The following PDE1C variants were observed in gnomAD, a reference collection of about 807,000 sequenced individuals.
PDE1C encodes phosphodiesterase 1C.
A neutral mutation model predicts 93.1 loss-of-function variants in PDE1C; 62 were observed. That is an observed-to-expected ratio of 0.67 (90% CI 0.54 to 0.82). The LOEUF (loss-of-function observed/expected upper bound fraction) is 0.82, where lower values mean the gene tolerates loss of function less well. Among genes scored for constraint, PDE1C ranks in the 40% least tolerant of loss-of-function variants. The pLI is 0.00. For missense variants in PDE1C, 742 were observed against 884.6 expected (o/e 0.84, Z 2.04); for synonymous variants, 325 against 310.1 (o/e 1.05, Z -0.50).
At chr7:32,402,723 C>A (rs1365992375) in intron 1 of PDE1C, among the ~76,000 whole-genome samples, 1 of 152,154 alleles carries the variant, frequency 6.6e-6, no homozygotes, top group Non-Finnish European at 1.5e-5. Context: ...CCTCTCCAAG[C>A]TTCTTTTATC....
chr7:31,771,859 T>C (rs866688316), intron 17 of PDE1C, among the ~76,000 whole-genome samples: 1 of 151,950 alleles, frequency 6.6e-6, no homozygotes, highest in African/African-American at 2.4e-5. Context: ...ATCGAGACCA[T>C]CCTGGATAAC....
At chr7:31,953,394 T>C (rs988260340) in intron 2 of PDE1C, among the ~76,000 whole-genome samples, 10 of 152,114 alleles carry the variant, frequency 6.6e-5, no homozygotes, top group Admixed American at 3.3e-4. Flanking sequence ...TCAAAGTAAA[T>C]ACAAAATATT....
intron 2 of PDE1C, among the ~76,000 whole-genome samples, chr7:31,920,823 T>C (rs1434072066): frequency 6.6e-6 from 1 of 152,296 alleles, no homozygotes; most frequent in East Asian, 1.9e-4. Flanking sequence ...ATTTTCTGAT[T>C]CCAGCTATTC....
rs1793042131 is a variant in PDE1C at position 32,049,429 on chromosome 7, T to C, written c.128+2125A>G. 2.0e-5 allele frequency among the ~76,000 whole-genome samples: 3 copies of C among 152,272 alleles called. No homozygotes were observed. In the South Asian group the frequency reaches 6.2e-4, roughly 32 times the overall value. On this transcript the variant is annotated intron_variant, in intron 2 of 17. Transcript: ENST00000396191. ...TTTGTTTTGTTTTGTTTTAGGCTTTTAGCAGCCTGAAGCCATGATTTTTAG... is the reference window on the plus strand; with the variant it reads ...TTTGTTTTGTTTTGTTTTAGGCTTTCAGCAGCCTGAAGCCATGATTTTTAG...
the PDE1C span, among the ~76,000 whole-genome samples, chr7:31,618,844 G>T: frequency 1.3e-5 from 2 of 152,142 alleles, no homozygotes; most frequent in African/African-American, 2.4e-5. Context: ...GCAAATATAA[G>T]TTGTGATTAT....
chr7:31,940,381 G>A (rs1359282572), intron 2 of PDE1C, among the ~76,000 whole-genome samples: 1 of 152,158 alleles, frequency 6.6e-6, no homozygotes, highest in African/African-American at 2.4e-5. Flanking sequence ...CAAGACTTGA[G>A]TCTGTTTTCT....
chr7:32,286,637 A>G (rs1812019848), intron 1 of PDE1C, among the ~76,000 whole-genome samples: 1 of 152,234 alleles, frequency 6.6e-6, no homozygotes. Context: ...AACACAAAAG[A>G]GAGCCTAGGC....
At chr7:31,744,446 C>T in the PDE1C span, among the ~76,000 whole-genome samples, 3 of 152,108 alleles carry the variant, frequency 2.0e-5, no homozygotes, top group Admixed American at 2.0e-4. Flanking sequence ...GAAGGATTCC[C>T]TGAAACTCAT....
chr7:32,260,756 C>T (rs138219682), intron 1 of PDE1C, among the ~76,000 whole-genome samples: 1 of 150,998 alleles, frequency 6.6e-6, no homozygotes, highest in Non-Finnish European at 1.5e-5. Context: ...TTTATAACAG[C>T]CCTTTCCCGA....
chr7:32,250,624 A>T (rs946705404), intron 1 of PDE1C, among the ~76,000 whole-genome samples: 1 of 152,194 alleles, frequency 6.6e-6, no homozygotes, highest in Admixed American at 6.5e-5. Context: ...AAAATGTTTT[A>T]TGACGATCAC....
At chr7:32,111,582 A>G (rs78255265) in intron 3 of PDE1C, among the ~76,000 whole-genome samples, 32,371 of 152,102 alleles carry the variant, frequency 0.21, 3,829 homozygotes, top group South Asian at 0.27. Flanking sequence ...GTTGGGAGCC[A>G]GGAGCCCACC....
the PDE1C span, among the ~76,000 whole-genome samples, chr7:31,729,814 C>G: frequency 5.9e-5 from 9 of 152,164 alleles, no homozygotes; most frequent in Admixed American, 2.0e-4. Flanking sequence ...CTGATTGAGT[C>G]CACTTGGGGA....
intron 3 of PDE1C, among the ~76,000 whole-genome samples, chr7:32,087,059 G>A (rs1797134490): frequency 6.6e-6 from 1 of 152,072 alleles, no homozygotes; most frequent in Non-Finnish European, 1.5e-5. Flanking sequence ...CCATCAGAGT[G>A]AACAGGCAAC....
At chr7:32,101,502 C>T (rs1471337314) in intron 3 of PDE1C, among the ~76,000 whole-genome samples, 2 of 152,048 alleles carry the variant, frequency 1.3e-5, no homozygotes, top group African/African-American at 4.8e-5. Flanking sequence ...GTGCTGTCCC[C>T]ATGGTAATGA....
chr7:32,074,220 TA>T (rs11395554), upstream of PDE1C, among the ~76,000 whole-genome samples: 11,264 of 151,286 alleles, frequency 0.074, 449 homozygotes, highest in African/African-American at 0.099. Context: ...GTTAATCTGA[TA>T]AAAAAAAATA....
rs901024835 is a variant in PDE1C, at chr7:31,752,347, T to C, written c.*1037A>G. The C allele has an allele frequency of 1.3e-5, 2 of 152,096 alleles. No individual in the cohort carries two copies. Among genetic ancestry groups the C allele is most frequent in the African/African-American group, 2.4e-5 (1 of 41,420 alleles). 9.4% of individuals were successfully genotyped at this position (152,096 alleles called of 1,614,324 possible). A position where few individuals can be genotyped will look rare whatever the true frequency, so the allele number is the denominator to read the frequency against. ...TGCCACCATAAAAAGAGGTGAGTTATAAAACTATGGATTCCACCAACAACT... is the reference window on the plus strand; with the variant it reads ...TGCCACCATAAAAAGAGGTGAGTTACAAAACTATGGATTCCACCAACAACT... On this transcript the variant is annotated 3_prime_UTR_variant, in exon 18 of 18. Transcript: ENST00000396191.
chr7:32,304,072 T>G (rs1293997817), upstream of PDE1C, among the ~76,000 whole-genome samples: 1 of 152,204 alleles, frequency 6.6e-6, no homozygotes, highest in Non-Finnish European at 1.5e-5. Context: ...CCTGGAATTG[T>G]CTTTCCCCTC....
At chr7:32,094,941 T>G (rs775560907) in intron 3 of PDE1C, among the ~76,000 whole-genome samples, 23 of 152,162 alleles carry the variant, frequency 1.5e-4, no homozygotes, top group Non-Finnish European at 2.1e-4. Context: ...CTCTGGCCTC[T>G]AGCTATACCT....
chr7:32,378,941 AG>A (rs1784482544), intron 1 of PDE1C, among the ~76,000 whole-genome samples: 1 of 152,264 alleles, frequency 6.6e-6, no homozygotes, highest in Admixed American at 6.5e-5. Flanking sequence ...TGCAGCCAGC[AG>A]GAATAACCTA....
Sources: allele counts gnomAD v4.1 joint callset (sites outside exome capture counted in the v4.1 genomes callset), GRCh38; gene constraint gnomAD v4.1.1; transcripts MANE v1.5; gene names NCBI Gene and HGNC (gene_info 2026-07-23, HGNC 2026-07-21).